The following PRKG1 variants were observed in gnomAD, a reference collection of about 807,000 sequenced individuals.
The protein encoded by PRKG1 is protein kinase cGMP-dependent 1.
Under a neutral mutation model 88.1 loss-of-function variants are expected in PRKG1, and 35 were observed. That is an observed-to-expected ratio of 0.40 (90% CI 0.30 to 0.53). PRKG1 has a LOEUF of 0.53. Among genes scored for constraint, PRKG1 ranks in the 20% least tolerant of loss-of-function variants. PRKG1 has a pLI of 0.59. For synonymous variants in PRKG1, 303 were observed against 292.5 expected, an observed-to-expected ratio of 1.04 and a Z score of -0.37; for missense variants, 540 against 839.8, an observed-to-expected ratio of 0.64 and a Z score of 4.41.
intron 9 of PRKG1, among the ~76,000 whole-genome samples, chr10:52,190,660 T>TA (rs1839337618): frequency 6.6e-6 from 1 of 152,200 alleles, no homozygotes; most frequent in Non-Finnish European, 1.5e-5. Context: ...GACTACCAGA[T>TA]GTCTATTGCC....
intron 3 of PRKG1, among the ~76,000 whole-genome samples, chr10:51,675,668 C>T (rs929371431): frequency 1.3e-5 from 2 of 152,140 alleles, no homozygotes; most frequent in Non-Finnish European, 2.9e-5. Context: ...TTGTCCTCCC[C>T]TTCGAATTGT....
chr10:51,492,060 A>G (rs1564521132), intron 3 of PRKG1, among the ~76,000 whole-genome samples: 1 of 152,128 alleles, frequency 6.6e-6, no homozygotes. Flanking sequence ...CCACTCTCTA[A>G]TCTAAGTCAG....
At chr10:51,465,622 G>C (rs1315197789) in intron 2 of PRKG1, among the ~76,000 whole-genome samples, 1 of 152,130 alleles carries the variant, frequency 6.6e-6, no homozygotes, top group Non-Finnish European at 1.5e-5. Context: ...TAGGAAGATT[G>C]GTATGATTTT....
intron 8 of PRKG1, among the ~76,000 whole-genome samples, chr10:52,160,390 G>A (rs1463267104): frequency 1.3e-5 from 2 of 151,780 alleles, no homozygotes; most frequent in African/African-American, 2.4e-5. Flanking sequence ...ATTTCTTTTG[G>A]AATGAATTAA....
At chr10:52,057,780 A>G (rs999540911) in intron 6 of PRKG1, among the ~76,000 whole-genome samples, 3 of 152,124 alleles carry the variant, frequency 2.0e-5, no homozygotes, top group Admixed American at 6.6e-5. Flanking sequence ...CCTTAACACA[A>G]TGTTCAGTGT....
intron 7 of PRKG1, among the ~76,000 whole-genome samples, chr10:52,130,733 T>G (rs1041381405): frequency 2.0e-5 from 3 of 152,194 alleles, no homozygotes; most frequent in Non-Finnish European, 4.4e-5. Context: ...ACTACAGAAG[T>G]TTCCTGCCCA....
At chr10:52,283,286 G>A (rs1207902599) in intron 14 of PRKG1, among the ~76,000 whole-genome samples, 1 of 152,064 alleles carries the variant, frequency 6.6e-6, no homozygotes, top group East Asian at 1.9e-4. Flanking sequence ...CTAGGACACT[G>A]AGAGCCTAGA....
chr10:51,068,348 A>G (rs1843780762), intron 1 of PRKG1: 1 of 151,934 alleles, frequency 6.6e-6, no homozygotes, highest in Non-Finnish European at 1.5e-5. Flanking sequence ...CCCTTGAATC[A>G]CTGACATTCT....
At chr10:51,728,895 T>C (rs1589238175) in intron 3 of PRKG1, among the ~76,000 whole-genome samples, 2 of 152,362 alleles carry the variant, frequency 1.3e-5, no homozygotes, top group South Asian at 4.1e-4. Flanking sequence ...AAATATGTTG[T>C]ACTTTGGAAT....
At chr10:51,216,589 C>T (rs560994010) in intron 2 of PRKG1, among the ~76,000 whole-genome samples, 1 of 152,272 alleles carries the variant, frequency 6.6e-6, no homozygotes, top group Admixed American at 6.5e-5. Context: ...ATACTTAAGA[C>T]AGTAACTGGC....
chr10:51,321,456 A>T (rs1198336831), intron 2 of PRKG1, among the ~76,000 whole-genome samples: 1 of 152,192 alleles, frequency 6.6e-6, no homozygotes, highest in Non-Finnish European at 1.5e-5. Flanking sequence ...TAATTATATT[A>T]TAGTTAAAAA....
At chr10:51,179,027 A>G (rs1837275340) in intron 2 of PRKG1, among the ~76,000 whole-genome samples, 1 of 152,184 alleles carries the variant, frequency 6.6e-6, no homozygotes, top group South Asian at 2.1e-4. Context: ...ATGAGCAAAT[A>G]TATTTTGTTA....
intron 2 of PRKG1, among the ~76,000 whole-genome samples, chr10:51,366,763 G>A (rs1588885439): frequency 6.6e-6 from 1 of 151,890 alleles, no homozygotes; most frequent in Non-Finnish European, 1.5e-5. Flanking sequence ...GTACATGAAA[G>A]CTTTCTTCAA....
intron 8 of PRKG1, among the ~76,000 whole-genome samples, chr10:52,140,591 A>C (rs945428160): frequency 3.3e-5 from 5 of 152,200 alleles, no homozygotes; most frequent in Non-Finnish European, 7.3e-5. Flanking sequence ...ATAGCTAACT[A>C]ATTAGAGATT....
At chr10:52,005,610 T>TCCAC (rs766854499) in intron 5 of PRKG1, among the ~76,000 whole-genome samples, 9 of 152,096 alleles carry the variant, frequency 5.9e-5, no homozygotes, top group Non-Finnish European at 1.2e-4. Flanking sequence ...CATGGGCATT[T>TCCAC]CCACCCACCC....
At position 51,613,019 on chromosome 10, in the gene PRKG1, C is replaced by G. The variant is rs1396672226; in HGVS notation, c.592+145183C>G. Among the ~76,000 whole-genome samples, 17 of 151,886 alleles carry G rather than the reference C, an allele frequency of 1.1e-4. 1 individual carries two copies. Among genetic ancestry groups the G allele is most frequent in the Admixed American group, 1.1e-3 (17 of 15,254 alleles). On this transcript the variant is annotated intron_variant, in intron 3 of 17. Transcript: ENST00000373980. Reference sequence around the variant, plus strand: ...TTGATGTGATGTTGGATTTGGTTTGCTAGTGTTTTGTTGAAGGATTTTGTG... The same window carrying G: ...TTGATGTGATGTTGGATTTGGTTTGGTAGTGTTTTGTTGAAGGATTTTGTG...
intron 2 of PRKG1, among the ~76,000 whole-genome samples, chr10:51,206,130 A>G (rs778897345): frequency 6.6e-6 from 1 of 152,158 alleles, no homozygotes; most frequent in South Asian, 2.1e-4. Flanking sequence ...GGTAGCTTAC[A>G]TGCTTACTTT....
intron 2 of PRKG1, among the ~76,000 whole-genome samples, chr10:51,212,485 G>A (rs1838249485): frequency 6.6e-6 from 1 of 152,138 alleles, no homozygotes; most frequent in African/African-American, 2.4e-5. Context: ...TTAAACTAAA[G>A]AGCTTCTGCA....
At chr10:51,058,784 T>C (rs990443352) in intron 1 of PRKG1, among the ~76,000 whole-genome samples, 4 of 152,172 alleles carry the variant, frequency 2.6e-5, no homozygotes, top group African/African-American at 9.7e-5. Flanking sequence ...TAGAAGCTTA[T>C]CTTATCTCTC....
Sources: allele counts gnomAD v4.1 joint callset (sites outside exome capture counted in the v4.1 genomes callset), GRCh38; gene constraint gnomAD v4.1.1; transcripts MANE v1.5; gene names NCBI Gene and HGNC (gene_info 2026-07-23, HGNC 2026-07-21).